Variants in UBE2D2 observed in about 807,000 individuals in gnomAD.
The protein encoded by UBE2D2 is ubiquitin conjugating enzyme E2 D2.
Under a neutral mutation model 24.2 loss-of-function variants are expected in UBE2D2, and 2 were observed. That is an observed-to-expected ratio of 0.08 (90% CI 0.03 to 0.26). The LOEUF is 0.26. Ranked by LOEUF, UBE2D2 falls within the 10% of genes least tolerant of loss-of-function variation. UBE2D2 has a pLI of 1.00. For missense variants in UBE2D2, 44 were observed against 177.6 expected (o/e 0.25, Z 4.28); for synonymous variants, 58 against 56.5 (o/e 1.03, Z -0.12).
At chr5:139,620,737 C>T (rs199561628) in intron 5 of UBE2D2, among the ~76,000 whole-genome samples, 1 of 152,170 alleles carries the variant, frequency 6.6e-6, no homozygotes, top group Non-Finnish European at 1.5e-5. Flanking sequence ...GGAATATGAG[C>T]GAATCCTTTC....
intron 1 of UBE2D2, among the ~76,000 whole-genome samples, chr5:139,577,676 A>G (rs1364375292): frequency 6.6e-6 from 1 of 152,094 alleles, no homozygotes; most frequent in African/African-American, 2.4e-5. Flanking sequence ...GGCCTCCCAA[A>G]GTGCTGGGAT....
chr5:139,595,314 T>C (rs1278349656), intron 1 of UBE2D2, among the ~76,000 whole-genome samples: 1 of 152,160 alleles, frequency 6.6e-6, no homozygotes, highest in African/African-American at 2.4e-5. Context: ...AGATATCAGT[T>C]TTATAGATTG....
intron 5 of UBE2D2, among the ~76,000 whole-genome samples, chr5:139,621,600 G>T (rs950518208): frequency 1.3e-5 from 2 of 151,754 alleles, no homozygotes; most frequent in Non-Finnish European, 2.9e-5. Flanking sequence ...TTTTTGCTAA[G>T]AATATTCAGT....
intron 2 of UBE2D2, among the ~76,000 whole-genome samples, chr5:139,614,308 G>C (rs1428615110): frequency 1.3e-5 from 2 of 152,020 alleles, no homozygotes; most frequent in Non-Finnish European, 2.9e-5. Context: ...GGCTCAAGCA[G>C]TCCTCTCACC....
At chr5:139,615,131 A>C (rs1023642400) in intron 5 of UBE2D2, among the ~76,000 whole-genome samples, 165 bp downstream of exon 5, 3 of 152,210 alleles carry the variant, frequency 2.0e-5, no homozygotes, top group African/African-American at 7.2e-5. Flanking sequence ...TTTTTCAAGC[A>C]AAAGTATTCC....
At chr5:139,626,734 A>G (rs765022747) in intron 6 of UBE2D2, 22 bp from the exon 7 acceptor site, 2 of 1,612,290 alleles carry the variant, frequency 1.2e-6, no homozygotes, top group South Asian at 2.2e-5. Context: ...ATGTTAAGCC[A>G]AGCTTCTCTT....
At chr5:139,609,928 C>A (rs978952667) in intron 2 of UBE2D2, among the ~76,000 whole-genome samples, 1 of 151,738 alleles carries the variant, frequency 6.6e-6, no homozygotes, top group African/African-American at 2.4e-5. Flanking sequence ...CCTGCCACTA[C>A]GCCCAGCTAA....
intron 6 of UBE2D2, among the ~76,000 whole-genome samples, chr5:139,625,155 T>C (rs1196860388): frequency 7.4e-6 from 1 of 135,992 alleles, no homozygotes; most frequent in Non-Finnish European, 1.6e-5. Flanking sequence ...ACTCATGGGC[T>C]CAAGTGATCC....
intron 1 of UBE2D2, among the ~76,000 whole-genome samples, chr5:139,591,830 C>G (rs1250146453): frequency 6.6e-6 from 1 of 152,144 alleles, no homozygotes; most frequent in Admixed American, 6.6e-5. Flanking sequence ...TCTGTTGCAA[C>G]CCTAGTTAAG....
In UBE2D2 at chr5:139,619,126, G is replaced by A. The variant is rs182756752; in HGVS notation, c.304+4160G>A. On this transcript the variant is annotated intron_variant, in intron 5 of 6. Coordinates refer to ENST00000398733, the MANE Select transcript of UBE2D2 (RefSeq NM_003339.3). Reference sequence around the variant, plus strand: ...AGTGAAAAAGTAATACTGGCCAGGCGCAGTGGCTCATGACTGTAATCCACT... The same window carrying A: ...AGTGAAAAAGTAATACTGGCCAGGCACAGTGGCTCATGACTGTAATCCACT... Among the ~76,000 whole-genome samples, 19 of 152,244 alleles carry A rather than the reference G, an allele frequency of 1.2e-4. No individual in the cohort carries two copies. The East Asian group carries it at 3.7e-3, about 29-fold the overall frequency.
At chr5:139,564,818 C>T (rs1438306093) in intron 1 of UBE2D2, among the ~76,000 whole-genome samples, 1 of 152,114 alleles carries the variant, frequency 6.6e-6, no homozygotes, top group Non-Finnish European at 1.5e-5. Flanking sequence ...GAGCTCTTCA[C>T]AAAGTATGGC....
chr5:139,597,587 GC>G (rs1236758071), intron 1 of UBE2D2, among the ~76,000 whole-genome samples: 2 of 152,212 alleles, frequency 1.3e-5, no homozygotes, highest in Non-Finnish European at 2.9e-5. Flanking sequence ...AAAGATTAAA[GC>G]GAAATCAAAA....
chr5:139,539,843 T>C (rs1030677875), intron 1 of UBE2D2, among the ~76,000 whole-genome samples: 8 of 152,208 alleles, frequency 5.3e-5, no homozygotes, highest in Middle Eastern at 3.4e-3. Context: ...GTGATCCACC[T>C]GCCTCAGCTT....
chr5:139,603,976 CT>C (rs1186696557), intron 2 of UBE2D2, among the ~76,000 whole-genome samples: 7 of 151,738 alleles, frequency 4.6e-5, no homozygotes, highest in African/African-American at 1.7e-4. Context: ...TCTCCCAAAG[CT>C]AATCAGTAAG....
intron 1 of UBE2D2, among the ~76,000 whole-genome samples, chr5:139,589,508 C>G (rs571803205): frequency 6.6e-6 from 1 of 151,930 alleles, no homozygotes; most frequent in African/African-American, 2.4e-5. Context: ...TGCAGTGAGC[C>G]GAGATCCTCC....
intron 1 of UBE2D2, among the ~76,000 whole-genome samples, chr5:139,578,522 G>A (rs1581504802): frequency 1.3e-5 from 2 of 151,406 alleles, no homozygotes; most frequent in South Asian, 4.2e-4. Flanking sequence ...GCACAATCAC[G>A]GCTCACTGCA....
intron 1 of UBE2D2, among the ~76,000 whole-genome samples, chr5:139,597,284 T>C (rs563363561): frequency 6.6e-6 from 1 of 152,338 alleles, no homozygotes; most frequent in South Asian, 2.1e-4. Context: ...TAGTTTTGCC[T>C]GTTCTAGAAT....
At chr5:139,533,157 T>G (rs1752619020) in intron 1 of UBE2D2, among the ~76,000 whole-genome samples, 1 of 151,638 alleles carries the variant, frequency 6.6e-6, no homozygotes, top group Non-Finnish European at 1.5e-5. Context: ...TAAATATCCT[T>G]CAATAGGGGA....
chr5:139,595,643 A>G (rs941188465), intron 1 of UBE2D2, among the ~76,000 whole-genome samples: 9 of 151,862 alleles, frequency 5.9e-5, no homozygotes, highest in African/African-American at 1.5e-4. Context: ...CATGATGACA[A>G]TTTTTAACAG....
Sources: gnomAD v4.1 joint callset for allele counts (sites outside exome capture counted in the v4.1 genomes callset) on GRCh38, gnomAD v4.1.1 for gene constraint, MANE v1.5 for transcripts, NCBI Gene and HGNC (gene_info 2026-07-23, HGNC 2026-07-21) for gene names.